PREP: variants seen among roughly 807,000 people sequenced by gnomAD.
The protein encoded by PREP is prolyl endopeptidase, also known as dJ355L5.1 (prolyl endopeptidase).
In PREP, 29 loss-of-function variants were observed where a neutral mutation model predicts 87.6. That is an observed-to-expected ratio of 0.33 (90% CI 0.25 to 0.45). The LOEUF (loss-of-function observed/expected upper bound fraction) is 0.45. PREP is among the 20% of genes least tolerant of loss of function. The pLI, the probability that PREP is intolerant of heterozygous loss-of-function variation, is 1.00. For synonymous variants in PREP, 337 were observed against 328.6 expected, an observed-to-expected ratio of 1.03 and a Z score of -0.28; for missense variants, 695 against 886.5, an observed-to-expected ratio of 0.78 and a Z score of 2.74.
At chr6:105,378,105 T>C (rs746837531) in intron 2 of PREP, among the ~76,000 whole-genome samples, 1 of 152,202 alleles carries the variant, frequency 6.6e-6, no homozygotes, top group Admixed American at 6.5e-5. Context: ...TTGTAAGACC[T>C]ACTACCATGT....
At chr6:105,388,775 A>G (rs1297621372) in intron 2 of PREP, among the ~76,000 whole-genome samples, 1 of 152,234 alleles carries the variant, frequency 6.6e-6, no homozygotes, top group East Asian at 1.9e-4. Context: ...GCAGGGATAC[A>G]TACACCAGTA....
At chr6:105,360,694 G>A (rs997843701) in intron 6 of PREP, among the ~76,000 whole-genome samples, 2 of 152,066 alleles carry the variant, frequency 1.3e-5, no homozygotes, top group East Asian at 1.9e-4. Flanking sequence ...CGTGTAATTC[G>A]GACAACTTAG....
intron 10 of PREP, among the ~76,000 whole-genome samples, chr6:105,305,075 C>T (rs751888784): frequency 6.6e-6 from 1 of 152,194 alleles, no homozygotes; most frequent in Admixed American, 6.5e-5. Flanking sequence ...AAATCCATTT[C>T]AAATCCTCAT....
intron 6 of PREP, among the ~76,000 whole-genome samples, chr6:105,364,120 A>G (rs1772322263): frequency 6.6e-6 from 1 of 152,120 alleles, no homozygotes. Flanking sequence ...AGGCAAGGAG[A>G]GGGGCTTGGC....
chr6:105,368,889 CA>C lies in PREP; in HGVS notation c.717+13del. ...CACAGTCTTTGGGGGTAAAATTTCA[CA>C]GCTGTACAATACCTCAGCTCCACCC... On this transcript the variant is annotated intron_variant, in intron 6 of 14. Transcript: ENST00000652536. 1.9e-6 allele frequency: 3 copies of C among 1,613,336 alleles called. No individual in the cohort carries two copies. The highest frequency in any genetic ancestry group is 2.5e-6 in the Non-Finnish European group (3 of 1,179,554).
At chr6:105,322,784 A>G in intron 10 of PREP, 1 of 1,055,994 alleles carries the variant, frequency 9.5e-7, no homozygotes, top group Non-Finnish European at 1.1e-6. Flanking sequence ...GTTTTAGTAA[A>G]CAAAGCTTTA....
At chr6:105,395,092 A>G in intron 2 of PREP, among the ~76,000 whole-genome samples, 1 of 152,212 alleles carries the variant, frequency 6.6e-6, no homozygotes, top group East Asian at 1.9e-4. Context: ...TCTAACATGA[A>G]AAATTGCCAT....
chr6:105,326,552 C>T (rs570870178), intron 9 of PREP, among the ~76,000 whole-genome samples: 3 of 152,274 alleles, frequency 2.0e-5, no homozygotes, highest in Non-Finnish European at 4.4e-5. Context: ...TATTTGTGAC[C>T]CTGGGGCTTT....
At chr6:105,359,126 T>C (rs1460428117) in intron 6 of PREP, among the ~76,000 whole-genome samples, 1 of 152,170 alleles carries the variant, frequency 6.6e-6, no homozygotes, top group Non-Finnish European at 1.5e-5. Flanking sequence ...AGCTGGGGTG[T>C]GTATTCCCCC....
intron 2 of PREP, among the ~76,000 whole-genome samples, chr6:105,396,960 G>A (rs1353908860): frequency 1.3e-5 from 2 of 152,024 alleles, no homozygotes; most frequent in Admixed American, 6.5e-5. Context: ...GAGGCGGGAG[G>A]ATCACTTGAG....
At chr6:105,310,231 T>A (rs1266409118) in intron 10 of PREP, among the ~76,000 whole-genome samples, 2 of 152,210 alleles carry the variant, frequency 1.3e-5, no homozygotes, top group Non-Finnish European at 2.9e-5. Context: ...TAAATATTTT[T>A]AATAAGCTTT....
intron 6 of PREP, among the ~76,000 whole-genome samples, chr6:105,361,044 G>A (rs1314811359): frequency 1.3e-5 from 2 of 151,994 alleles, no homozygotes; most frequent in Admixed American, 6.5e-5. Context: ...GGAATTCTCT[G>A]GAAAATGGGT....
chr6:105,375,412 A>G (rs1030879449), intron 4 of PREP, among the ~76,000 whole-genome samples: 1 of 152,238 alleles, frequency 6.6e-6, no homozygotes, highest in Non-Finnish European at 1.5e-5. Flanking sequence ...TAGAGTTTAC[A>G]ATTATTAAAA....
chr6:105,368,904 T>A lies in PREP; in HGVS notation c.716A>T (p.Glu239Val), dbSNP rs1772464931. Residue 239 changes from glutamate (E) to valine (V), a missense_variant and splice_region_variant, in exon 6 of 15, where the codon GAG becomes GTG. Coordinates refer to ENST00000652536, the MANE Select transcript of PREP (RefSeq NM_002726.5). ...TAAAATTTCACAGCTGTACAATACC[T>A]CAGCTCCACCCATCCATTTAGGTTC... ...PDEPKWMGGA[E>V]LSDDGRYVLL... 2 of 1,613,956 alleles carry A rather than the reference T, an allele frequency of 1.2e-6. No homozygotes were observed. The highest frequency in any genetic ancestry group is 1.7e-6 in the Non-Finnish European group (2 of 1,179,906).
intron 1 of PREP, among the ~76,000 whole-genome samples, chr6:105,401,622 C>A (rs1048218712): frequency 6.6e-6 from 1 of 151,986 alleles, no homozygotes; most frequent in Non-Finnish European, 1.5e-5. Flanking sequence ...AGGAAACAAC[C>A]TTTAAACCAC....
chr6:105,302,858 GGC>G (rs548087416), intron 10 of PREP: 829 of 323,990 alleles, frequency 2.6e-3, no homozygotes, highest in Non-Finnish European at 3.8e-3. Context: ...CTGCTCCGAG[GGC>G]TAAATACTCT....
chr6:105,348,729 A>C (rs1220770388), intron 7 of PREP, among the ~76,000 whole-genome samples: 1 of 152,058 alleles, frequency 6.6e-6, no homozygotes, highest in Non-Finnish European at 1.5e-5. Context: ...AAATACAAAA[A>C]CTAGCCAGGT....
chr6:105,332,253 C>A (rs1232745417), intron 8 of PREP, among the ~76,000 whole-genome samples: 3 of 152,116 alleles, frequency 2.0e-5, no homozygotes, highest in East Asian at 1.9e-4. Context: ...CCCATAGCAA[C>A]CTGTGACCCC....
chr6:105,367,814 T>C (rs538856539), intron 6 of PREP, among the ~76,000 whole-genome samples: 70 of 152,348 alleles, frequency 4.6e-4, no homozygotes, highest in African/African-American at 1.3e-3. Flanking sequence ...TTGTGAGCCA[T>C]ACGGACTTCT....
Sources: gnomAD v4.1 joint callset for allele counts (sites outside exome capture counted in the v4.1 genomes callset) on GRCh38, gnomAD v4.1.1 for gene constraint, MANE v1.5 for transcripts, NCBI Gene and HGNC (gene_info 2026-07-23, HGNC 2026-07-21) for gene names.